Variants in BICD1 observed in about 807,000 individuals in gnomAD.
The protein encoded by BICD1 is BICD cargo adaptor 1, also known as protein bicaudal D homolog 1.
BICD1 carries 35 observed loss-of-function variants against 92.5 expected under a neutral mutation model. The observed-to-expected ratio is 0.38, with a 90% CI of 0.29 to 0.50. The LOEUF (loss-of-function observed/expected upper bound fraction) is 0.50, where lower values mean the gene tolerates loss of function less well. BICD1 is among the 20% of genes least tolerant of loss of function. The pLI, the probability that BICD1 is intolerant of heterozygous loss-of-function variation, is 0.93. For missense variants in BICD1, 950 were observed against 1,189.8 expected, an observed-to-expected ratio of 0.80 and a Z score of 2.97; for synonymous variants, 429 against 465.1, an observed-to-expected ratio of 0.92 and a Z score of 1.00.
Position 32,306,095 on chromosome 12 carries a change from A to G in BICD1, c.978A>G (p.Ile326Met), listed in dbSNP as rs1283815694. ...TCAGTGAGCTGAACATTTCAGAAAT[A>G]CAGAAGTTGAAGCAGCAGCTTATGC... ...DLFSELNISE[I>M]QKLKQQLMQV... The change falls in exon 4 of 10, where the codon ATA (isoleucine) becomes ATG (methionine). Residue 326 changes from isoleucine to methionine, a missense_variant. Physicochemically the swap from Ile to Met is conservative, Grantham distance 10 (BLOSUM62 1). Transcript: ENST00000652176. 3 of 1,605,342 alleles carry G rather than the reference A, an allele frequency of 1.9e-6. No individual in the cohort carries two copies. The highest frequency in any genetic ancestry group is 2.5e-6 in the Non-Finnish European group (3 of 1,177,136).
chr12:32,267,472 A>T (rs1456837934), intron 2 of BICD1, among the ~76,000 whole-genome samples: 1 of 152,208 alleles, frequency 6.6e-6, no homozygotes, highest in African/African-American at 2.4e-5. Context: ...TCCATACTAA[A>T]TATAAATCTT....
intron 1 of BICD1, among the ~76,000 whole-genome samples, chr12:32,122,255 A>ACGGAGATCGAGACCATCCTAG (rs1209335607): frequency 6.6e-6 from 1 of 151,548 alleles, no homozygotes; most frequent in Non-Finnish European, 1.5e-5. Flanking sequence ...GACCATCCTA[A>ACGGAGATCGAGACCATCCTAG]CACAGATCGA....
chr12:32,128,857 C>T (rs982289226), intron 1 of BICD1, among the ~76,000 whole-genome samples: 8 of 152,156 alleles, frequency 5.3e-5, no homozygotes, highest in Non-Finnish European at 8.8e-5. Context: ...ACTGTAGCCT[C>T]AGCCTCCCAG....
chr12:32,230,364 C>A lies in BICD1; in HGVS notation c.426+13905C>A, dbSNP rs1451147467. On this transcript the variant is annotated intron_variant, in intron 2 of 9. Transcript: ENST00000652176. ...GCAGTGAGCCAAGGTCACACCACTG[C>A]ACTCCAGTCTAGGCAACAGAATGAG... is the stretch of plus-strand genomic sequence containing the variant. Among the ~76,000 whole-genome samples the A allele has an allele frequency of 2.0e-5, 3 of 151,722 alleles. No individual in the cohort carries two copies. In the East Asian group the frequency reaches 5.8e-4, roughly 29 times the overall value.
chr12:32,198,323 C>CATATATATATATATATATATATATATAT (rs765984931), intron 1 of BICD1, among the ~76,000 whole-genome samples: 13 of 87,924 alleles, frequency 1.5e-4, no homozygotes, highest in East Asian at 3.6e-4. Context: ...GAATAATATG[C>CATATATATATATATATATATATATATAT]ATCTATCTAT....
At chr12:32,345,033 C>T (rs756153851) in intron 8 of BICD1, among the ~76,000 whole-genome samples, 35 of 152,138 alleles carry the variant, frequency 2.3e-4, no homozygotes, top group Non-Finnish European at 3.5e-4. Flanking sequence ...ATTCCTGTCA[C>T]CCCAGCACTT....
chr12:32,149,624 G>A (rs1433074057), intron 1 of BICD1, among the ~76,000 whole-genome samples: 1 of 152,164 alleles, frequency 6.6e-6, no homozygotes, highest in Non-Finnish European at 1.5e-5. Flanking sequence ...CAGGAATTAA[G>A]GCAAAACATT....
intron 8 of BICD1, among the ~76,000 whole-genome samples, chr12:32,348,721 AAAATAT>A (rs1565688782): frequency 1.7e-5 from 2 of 116,482 alleles, no homozygotes; most frequent in Non-Finnish European, 3.5e-5. Flanking sequence ...AGCTCACACA[AAAATAT>A]ATATATATAT....
chr12:32,223,735 T>C (rs1328046352), intron 2 of BICD1, among the ~76,000 whole-genome samples: 1 of 152,224 alleles, frequency 6.6e-6, no homozygotes, highest in Non-Finnish European at 1.5e-5. Context: ...TTGGCTAATT[T>C]GGCATATGCT....
At chr12:32,116,491 T>TC (rs1941909263) in intron 1 of BICD1, among the ~76,000 whole-genome samples, 160 of 123,702 alleles carry the variant, frequency 1.3e-3, no homozygotes, top group African/African-American at 3.0e-3. Flanking sequence ...TCTCTCTCTC[T>TC]TTCTCTCTCT....
intron 8 of BICD1, among the ~76,000 whole-genome samples, chr12:32,342,503 G>A (rs1413295710): frequency 6.6e-6 from 1 of 151,604 alleles, no homozygotes; most frequent in Non-Finnish European, 1.5e-5. Flanking sequence ...CCGCCATCTC[G>A]GCCTCCCAAA....
chr12:32,274,987 C>T (rs1947238311), intron 2 of BICD1, among the ~76,000 whole-genome samples: 1 of 144,052 alleles, frequency 6.9e-6, no homozygotes, highest in African/African-American at 2.6e-5. Context: ...ATAGTCTTGG[C>T]ACATTGTAAA....
intron 1 of BICD1, among the ~76,000 whole-genome samples, chr12:32,184,760 G>T (rs1944382095): frequency 2.0e-5 from 3 of 152,156 alleles, no homozygotes. Flanking sequence ...TTGCTTTCTT[G>T]ATCTTCCTTC....
chr12:32,336,720 A>G (rs1372536442), intron 6 of BICD1, among the ~76,000 whole-genome samples: 2 of 152,242 alleles, frequency 1.3e-5, no homozygotes, highest in Non-Finnish European at 2.9e-5. Flanking sequence ...CACTTCAGGT[A>G]TAGTGGACAT....
intron 5 of BICD1, among the ~76,000 whole-genome samples, chr12:32,329,248 G>C (rs1157011433): frequency 2.0e-5 from 3 of 152,074 alleles, no homozygotes; most frequent in African/African-American, 7.2e-5. Context: ...GAGATTACAG[G>C]CATGTGCCAC....
At chr12:32,139,850 G>A (rs1474436207) in intron 1 of BICD1, among the ~76,000 whole-genome samples, 1 of 152,194 alleles carries the variant, frequency 6.6e-6, no homozygotes, top group East Asian at 1.9e-4. Context: ...GTGAGCCACC[G>A]CTCCTGGCCT....
chr12:32,293,027 A>T (rs1392719671), intron 2 of BICD1, among the ~76,000 whole-genome samples: 1 of 152,212 alleles, frequency 6.6e-6, no homozygotes, highest in Admixed American at 6.5e-5. Flanking sequence ...GTTAAAAAAA[A>T]AATTGAAATG....
chr12:32,150,465 TTA>T (rs1943256540), intron 1 of BICD1, among the ~76,000 whole-genome samples: 1 of 138,198 alleles, frequency 7.2e-6, no homozygotes, highest in Non-Finnish European at 1.5e-5. Flanking sequence ...CCAATCAATT[TTA>T]GAGAGACAAG....
At chr12:32,306,746 GGCTTACAC>G (rs1247222669) in intron 4 of BICD1, among the ~76,000 whole-genome samples, 1 of 151,770 alleles carries the variant, frequency 6.6e-6, no homozygotes, top group Non-Finnish European at 1.5e-5. Context: ...CGGGCGCGGT[GGCTTACAC>G]CTGTAATCCC....
Sources: allele counts gnomAD v4.1 joint callset (sites outside exome capture counted in the v4.1 genomes callset), GRCh38; gene constraint gnomAD v4.1.1; transcripts MANE v1.5; gene names NCBI Gene and HGNC (gene_info 2026-07-23, HGNC 2026-07-21).